Variants in MYT1L observed in about 807,000 individuals in gnomAD.
MYT1L encodes the protein myelin transcription factor 1-like protein.
Under a neutral mutation model 126.7 loss-of-function variants are expected in MYT1L, and 12 were observed. The observed-to-expected ratio is 0.09, with a 90% CI of 0.06 to 0.15. The LOEUF is 0.15. Among genes scored for constraint, MYT1L ranks in the 10% least tolerant of loss-of-function variants. The probability of loss-of-function intolerance (pLI) is 1.00; values close to 1 mark genes in which losing one functional copy is unlikely to be tolerated. For missense variants in MYT1L, 979 were observed against 1,585.2 expected, an observed-to-expected ratio of 0.62 and a Z score of 6.49; for synonymous variants, 541 against 604.2, an observed-to-expected ratio of 0.90 and a Z score of 1.53.
chr2:2,249,888 GACAT>G (rs1013343162), intron 2 of MYT1L, among the ~76,000 whole-genome samples: 2 of 151,972 alleles, frequency 1.3e-5, no homozygotes, highest in Non-Finnish European at 2.9e-5. Context: ...TTTCTCAAAA[GACAT>G]ACAAATATCA....
At chr2:1,938,955 G>A (rs71442309) in intron 9 of MYT1L, among the ~76,000 whole-genome samples, 4,560 of 152,262 alleles carry the variant, frequency 0.03, 94 homozygotes, top group Non-Finnish European at 0.046. Context: ...TGTTTTATCT[G>A]AAACAAAACC....
chr2:1,955,476 G>A (rs2058265022), intron 8 of MYT1L, among the ~76,000 whole-genome samples: 1 of 151,980 alleles, frequency 6.6e-6, no homozygotes, highest in Non-Finnish European at 1.5e-5. Context: ...CTCTATCCAG[G>A]CAAAATATGC....
chr2:1,898,370 G>A (rs146534070), intron 14 of MYT1L, among the ~76,000 whole-genome samples: 635 of 152,272 alleles, frequency 4.2e-3, no homozygotes, highest in Non-Finnish European at 6.0e-3. Flanking sequence ...GTTGAAATAC[G>A]GACGTCTAAT....
intron 2 of MYT1L, among the ~76,000 whole-genome samples, chr2:2,213,190 A>G (rs2093582086): frequency 6.6e-6 from 1 of 152,198 alleles, no homozygotes; most frequent in Non-Finnish European, 1.5e-5. Context: ...CACCAGACAC[A>G]AGATAATGGA....
intron 2 of MYT1L, among the ~76,000 whole-genome samples, chr2:2,214,881 T>C (rs569390703): frequency 6.6e-6 from 1 of 152,264 alleles, no homozygotes; most frequent in East Asian, 1.9e-4. Flanking sequence ...AATAATGTAG[T>C]GTGTCATTTG....
chr2:2,000,523 C>G (rs756627570), intron 4 of MYT1L, among the ~76,000 whole-genome samples: 1 of 152,178 alleles, frequency 6.6e-6, no homozygotes, highest in Non-Finnish European at 1.5e-5. Context: ...CTGGGCTGGG[C>G]AGGTCCTGTC....
At chr2:2,194,246 A>T (rs2092709048) in intron 2 of MYT1L, among the ~76,000 whole-genome samples, 1 of 151,942 alleles carries the variant, frequency 6.6e-6, no homozygotes, top group East Asian at 1.9e-4. Flanking sequence ...TTTCTGACCA[A>T]GTTTTAAGTT....
At chr2:2,297,978 G>A (rs906361536) in intron 1 of MYT1L, among the ~76,000 whole-genome samples, 16 of 152,200 alleles carry the variant, frequency 1.1e-4, no homozygotes, top group African/African-American at 3.9e-4. Context: ...AAGAAAGCTG[G>A]CTTCACAGCT....
chr2:2,092,285 G>C (rs2076981624), intron 3 of MYT1L, among the ~76,000 whole-genome samples: 1 of 125,596 alleles, frequency 8.0e-6, no homozygotes, highest in African/African-American at 3.7e-5. Context: ...TTGTCTTAGG[G>C]AATAGGGAGG....
intron 1 of MYT1L, among the ~76,000 whole-genome samples, chr2:2,296,772 G>C (rs769400591): frequency 6.6e-6 from 1 of 152,096 alleles, no homozygotes; most frequent in African/African-American, 2.4e-5. Context: ...GGATGGTCTC[G>C]GCCTGGAGAC....
At chr2:2,177,173 G>C (rs912853689) in intron 2 of MYT1L, among the ~76,000 whole-genome samples, 5 of 152,194 alleles carry the variant, frequency 3.3e-5, no homozygotes, top group African/African-American at 4.8e-5. Context: ...GAACAACCTT[G>C]TTGTGTCGGG....
intron 9 of MYT1L, among the ~76,000 whole-genome samples, chr2:1,933,316 G>A (rs796521581): frequency 1.3e-5 from 2 of 151,982 alleles, no homozygotes; most frequent in South Asian, 2.1e-4. Context: ...GTTTCTACTC[G>A]GAGGAAGTTC....
chr2:2,151,521 A>G (rs548008562), intron 3 of MYT1L, among the ~76,000 whole-genome samples: 3 of 152,304 alleles, frequency 2.0e-5, no homozygotes, highest in Admixed American at 2.0e-4. Flanking sequence ...TCCAGCATTG[A>G]AAAATAGCCA....
At chr2:2,290,635 T>C (rs1055785816) in intron 1 of MYT1L, among the ~76,000 whole-genome samples, 1 of 152,128 alleles carries the variant, frequency 6.6e-6, no homozygotes, top group Admixed American at 6.5e-5. Context: ...AGTCCACACA[T>C]ACACACACAT....
intron 1 of MYT1L, among the ~76,000 whole-genome samples, chr2:2,315,057 T>C (rs2096042310): frequency 1.3e-5 from 2 of 152,168 alleles, no homozygotes; most frequent in East Asian, 3.9e-4. Flanking sequence ...AATGTAAAGC[T>C]TCTCTGTGCT....
At chr2:2,085,722 C>T (rs1320199745) in intron 3 of MYT1L, among the ~76,000 whole-genome samples, 1 of 152,192 alleles carries the variant, frequency 6.6e-6, no homozygotes, top group Non-Finnish European at 1.5e-5. Flanking sequence ...TTGATCCACA[C>T]AGTCCTACTG....
chr2:1,840,297 C>T (rs2041492100), intron 20 of MYT1L, among the ~76,000 whole-genome samples: 1 of 152,130 alleles, frequency 6.6e-6, no homozygotes, highest in Admixed American at 6.5e-5. Flanking sequence ...GCGGTAGTCA[C>T]AGGCTCCAAG....
chr2:1,889,442 C>T lies in MYT1L; in HGVS notation c.2319G>A (p.Leu773=), dbSNP rs1465668487. The T allele has an allele frequency of 1.2e-6, 2 of 1,611,984 alleles. No homozygotes were observed. Among genetic ancestry groups the T allele is most frequent in the Non-Finnish European group, 1.7e-6 (2 of 1,178,418 alleles). The change falls in exon 16 of 25, where the codon CTG becomes CTA. Residue 773 remains leucine (L), a synonymous_variant. Coordinates refer to ENST00000647738, the MANE Select transcript of MYT1L (RefSeq NM_001303052.2). This position sits in a 1 kb window ranked among gnomAD's most constrained non-coding sequence, Gnocchi z 4.1. ...GCCTCTGCTTGTTCATGCTGAGGTC[C>T]AGGGTCCCGTTCTCATCCACCTCCA... ...PDMEVDENGT[L]DLSMNKQRPR...
intron 2 of MYT1L, among the ~76,000 whole-genome samples, chr2:2,218,466 A>G (rs2093757489): frequency 6.6e-6 from 1 of 152,186 alleles, no homozygotes; most frequent in Admixed American, 6.5e-5. Context: ...TACAGGAAAA[A>G]CTACATACTA....
Sources: allele counts gnomAD v4.1 joint callset (sites outside exome capture counted in the v4.1 genomes callset), GRCh38; gene constraint gnomAD v4.1.1; non-coding constraint Gnocchi (gnomAD v3.1); transcripts MANE v1.5; gene names NCBI Gene and HGNC (gene_info 2026-07-23, HGNC 2026-07-21).